Variants in SPHKAP observed in about 807,000 individuals in gnomAD.
SPHKAP encodes A-kinase anchor protein SPHKAP.
Under a neutral mutation model 137.5 loss-of-function variants are expected in SPHKAP, and 67 were observed. The observed-to-expected ratio is 0.49, with a 90% CI of 0.40 to 0.60. The LOEUF is 0.60. Among genes scored for constraint, SPHKAP ranks in the 20% least tolerant of loss-of-function variants. SPHKAP has a pLI of 0.00. For missense variants in SPHKAP, 2,097 were observed against 2,069.3 expected (o/e 1.01, Z -0.26); for synonymous variants, 813 against 785.3 (o/e 1.04, Z -0.59).
intron 3 of SPHKAP, among the ~76,000 whole-genome samples, chr2:228,040,526 CAAAATGAAATATA>C (rs1695794693): frequency 6.6e-6 from 1 of 152,100 alleles, no homozygotes; most frequent in African/African-American, 2.4e-5. Flanking sequence ...AACAATTACA[CAAAATGAAATATA>C]AAGTTTTATT....
chr2:227,993,771 G>A (rs1693512775), intron 8 of SPHKAP, among the ~76,000 whole-genome samples, 151 bp from the exon 9 acceptor site: 1 of 151,980 alleles, frequency 6.6e-6, no homozygotes, highest in Non-Finnish European at 1.5e-5. Context: ...ATTTATTTCT[G>A]AACAAATTAA....
intron 3 of SPHKAP, among the ~76,000 whole-genome samples, chr2:228,058,132 T>C (rs569540296): frequency 6.6e-6 from 1 of 152,304 alleles, no homozygotes; most frequent in African/African-American, 2.4e-5. Context: ...AGAACTTCAT[T>C]CTGTGACCAG....
intron 4 of SPHKAP, among the ~76,000 whole-genome samples, chr2:228,026,120 G>T (rs892788379): frequency 2.6e-5 from 4 of 152,148 alleles, no homozygotes; most frequent in African/African-American, 9.7e-5. Flanking sequence ...CATGAGATGT[G>T]ACTTGCTCCT....
rs1694706008 is a variant in SPHKAP at position 228,018,585 on chromosome 2, C to A, written c.2269G>T (p.Gly757Cys). 1 of 1,613,940 alleles carries A rather than the reference C, an allele frequency of 6.2e-7. No homozygotes were observed. The highest frequency in any genetic ancestry group is 8.5e-7 in the Non-Finnish European group (1 of 1,179,894). Residue 757 changes from glycine to cysteine, a missense_variant, in exon 7 of 12, where the codon GGT becomes TGT. By Grantham distance (159) the Gly-to-Cys change is radical. Transcript: ENST00000392056. ...GCTTTTGTCCAAGCTTGACTAGCAC[C>A]CGGATCAGATGGCTGGCAGCTTGGT... ...TEPSCQPSDP[G>C]ASQAWTKATE...
chr2:228,038,020 G>A (rs1395594400), intron 3 of SPHKAP, among the ~76,000 whole-genome samples: 1 of 152,196 alleles, frequency 6.6e-6, no homozygotes, highest in African/African-American at 2.4e-5. Flanking sequence ...GCTGGGGAGT[G>A]GTGAGCCTGG....
At chr2:228,033,208 A>T (rs1444507613) in intron 3 of SPHKAP, among the ~76,000 whole-genome samples, 1 of 152,162 alleles carries the variant, frequency 6.6e-6, no homozygotes, top group Non-Finnish European at 1.5e-5. Flanking sequence ...TGGAAAACAA[A>T]AAAAGGCAGG....
chr2:228,061,736 T>TACACACACACACACAC (rs1553536205), intron 3 of SPHKAP, among the ~76,000 whole-genome samples: 49 of 151,596 alleles, frequency 3.2e-4, no homozygotes, highest in African/African-American at 1.0e-3. Context: ...AATATATATA[T>TACACACACACACACAC]ACACACACAC....
At chr2:228,002,946 T>C (rs972091035) in intron 7 of SPHKAP, among the ~76,000 whole-genome samples, 7 of 152,088 alleles carry the variant, frequency 4.6e-5, no homozygotes, top group African/African-American at 1.4e-4. Context: ...TTGGTACCAG[T>C]ACCATGCTGT....
intron 7 of SPHKAP, among the ~76,000 whole-genome samples, chr2:228,009,408 C>T (rs1297057262): frequency 6.6e-6 from 1 of 152,136 alleles, no homozygotes; most frequent in Non-Finnish European, 1.5e-5. Flanking sequence ...TAACTTTCAT[C>T]AAGTCTTACA....
intron 4 of SPHKAP, among the ~76,000 whole-genome samples, chr2:228,026,623 G>GCTCT (rs10626867): frequency 0.79 from 119,619 of 151,726 alleles, 47,569 homozygotes; most frequent in African/African-American, 0.9. Flanking sequence ...GGCCCTCCCT[G>GCTCT]CTCTTTGATG....
chr2:228,035,727 A>G (rs1216126214), intron 3 of SPHKAP, among the ~76,000 whole-genome samples: 2 of 152,158 alleles, frequency 1.3e-5, no homozygotes, highest in African/African-American at 2.4e-5. Flanking sequence ...AAATAATGCC[A>G]CATATCTACA....
intron 3 of SPHKAP, among the ~76,000 whole-genome samples, chr2:228,033,296 T>C (rs1365779819): frequency 6.6e-6 from 1 of 152,208 alleles, no homozygotes; most frequent in Non-Finnish European, 1.5e-5. Context: ...CATTACATAA[T>C]GGTAAAGGGA....
chr2:228,021,939 C>A lies in SPHKAP; in HGVS notation c.469G>T (p.Val157Phe). 1 of 1,606,238 alleles carries A rather than the reference C, an allele frequency of 6.2e-7. No homozygotes were observed. Among genetic ancestry groups the A allele is most frequent in the Non-Finnish European group, 8.5e-7 (1 of 1,176,480 alleles). Residue 157 changes from valine to phenylalanine, a missense_variant, in exon 6 of 12, where the codon GTC (valine) becomes TTC (phenylalanine). By Grantham distance (50) the Val-to-Phe change is conservative (BLOSUM62 -1). Coordinates refer to ENST00000392056, the MANE Select transcript of SPHKAP (RefSeq NM_001142644.2). ...QCPWLPDICLVQCARGNRPNS... is the reference protein window; with the variant it reads ...QCPWLPDICLFQCARGNRPNS... Reference sequence around the variant, plus strand: ...GGTCTGTTCCCTCTTGCACATTGGACCAAGCAGATATCTGGCAGCCAAGGG... The same window carrying A: ...GGTCTGTTCCCTCTTGCACATTGGAACAAGCAGATATCTGGCAGCCAAGGG...
chr2:228,109,828 G>A lies in SPHKAP; in HGVS notation c.139-889C>T, dbSNP rs371791295. On this transcript the variant is annotated intron_variant, in intron 2 of 11. Coordinates refer to ENST00000392056, the MANE Select transcript of SPHKAP (RefSeq NM_001142644.2). ...TAAACATACAAAAAGTTGGCCAGGC[G>A]TGGTGGTGCGCCCCTGTAATCCCAG... 9.2e-5 allele frequency among the ~76,000 whole-genome samples: 14 copies of A among 151,924 alleles called. No individual in the cohort carries two copies. In the South Asian group the frequency reaches 1.0e-3, roughly 11 times the overall value.
At chr2:228,158,322 C>CT (rs1360178566) in intron 1 of SPHKAP, among the ~76,000 whole-genome samples, 1 of 97,748 alleles carries the variant, frequency 1.0e-5, no homozygotes, top group African/African-American at 4.4e-5. Flanking sequence ...TAATTTACTT[C>CT]TTTCTTTTTT....
chr2:228,125,666 G>T (rs1156926298), intron 2 of SPHKAP, among the ~76,000 whole-genome samples: 2 of 152,152 alleles, frequency 1.3e-5, no homozygotes, highest in African/African-American at 2.4e-5. Flanking sequence ...AGACTAGGAA[G>T]AATTTTCACC....
At chr2:227,999,411 T>C (rs1693763631) in intron 7 of SPHKAP, among the ~76,000 whole-genome samples, 1 of 152,110 alleles carries the variant, frequency 6.6e-6, no homozygotes, top group African/African-American at 2.4e-5. Flanking sequence ...CAAATGGAAA[T>C]AATACATATA....
At chr2:228,162,565 A>C (rs1370278383) in intron 1 of SPHKAP, among the ~76,000 whole-genome samples, 3 of 152,244 alleles carry the variant, frequency 2.0e-5, no homozygotes, top group Non-Finnish European at 4.4e-5. Context: ...TTAGTTGTTA[A>C]TACTGACAAC....
chr2:228,021,573 C>T lies in SPHKAP; in HGVS notation c.697+138G>A, dbSNP rs1040316027. 6 of 1,050,912 alleles carry T rather than the reference C, an allele frequency of 5.7e-6. No homozygotes were observed. In the African/African-American group the frequency reaches 6.4e-5, roughly 11 times the overall value. 65.1% of individuals were successfully genotyped at this position (1,050,912 alleles called of 1,614,324 possible). On this transcript the variant is annotated intron_variant, in intron 6 of 11. Coordinates refer to ENST00000392056, the MANE Select transcript of SPHKAP (RefSeq NM_001142644.2). ...CACCAGTGTTCTCATATCCTCCTTC[C>T]TTCCTTCCTTAAAATTCAGCAAGTA... is the stretch of plus-strand genomic sequence containing the variant.
Sources: gnomAD v4.1 joint callset for allele counts (sites outside exome capture counted in the v4.1 genomes callset) on GRCh38, gnomAD v4.1.1 for gene constraint, MANE v1.5 for transcripts, NCBI Gene and HGNC (gene_info 2026-07-23, HGNC 2026-07-21) for gene names.